The following MRTFB variants were observed in gnomAD, a reference collection of about 807,000 sequenced individuals.
MRTFB encodes myocardin-related transcription factor B.
In MRTFB, 29 loss-of-function variants were observed where a neutral mutation model predicts 104.2. That is an observed-to-expected ratio of 0.28 (90% CI 0.21 to 0.38). The LOEUF (loss-of-function observed/expected upper bound fraction) is 0.38, where lower values mean the gene tolerates loss of function less well. Among genes scored for constraint, MRTFB ranks in the 10% least tolerant of loss-of-function variants. The pLI, the probability that MRTFB is intolerant of heterozygous loss-of-function variation, is 1.00. For synonymous variants in MRTFB, 535 were observed against 519.5 expected (o/e 1.03, Z -0.41); for missense variants, 1,270 against 1,341.6 (o/e 0.95, Z 0.83).
chr16:14,111,231 C>A (rs2036251193), intron 2 of MRTFB, among the ~76,000 whole-genome samples: 1 of 152,042 alleles, frequency 6.6e-6, no homozygotes, highest in Admixed American at 6.5e-5. Context: ...GTGGGGTTAA[C>A]CCTGGAAAGA....
At chr16:14,146,419 C>T (rs2038319070) in intron 3 of MRTFB, among the ~76,000 whole-genome samples, 1 of 152,206 alleles carries the variant, frequency 6.6e-6, no homozygotes, top group Non-Finnish European at 1.5e-5. Flanking sequence ...ATCTTGAAAT[C>T]TTCTAAGATT....
upstream of MRTFB, among the ~76,000 whole-genome samples, chr16:14,066,569 G>C (rs145996581): frequency 2.0e-5 from 3 of 151,960 alleles, no homozygotes; most frequent in Non-Finnish European, 4.4e-5. Context: ...CACCGTGCCC[G>C]GCCTATTTTT....
the MRTFB span, among the ~76,000 whole-genome samples, chr16:14,049,372 A>T: frequency 6.6e-6 from 1 of 152,256 alleles, no homozygotes; most frequent in Non-Finnish European, 1.5e-5. Flanking sequence ...AAACATAAAT[A>T]CTCAGAAAAC....
In MRTFB at chr16:14,262,914, T is replaced by TA. The variant is rs1031259804; in HGVS notation, c.*1473dup. Reference sequence around the variant, plus strand: ...TTGGTTCCCCTGGGTCACAAAATGGTAAATGTTCCATACTGACATGCCGGA... The same window carrying TA: ...TTGGTTCCCCTGGGTCACAAAATGGTAAAATGTTCCATACTGACATGCCGGA... On this transcript the variant is annotated 3_prime_UTR_variant, in exon 17 of 17. Coordinates refer to ENST00000571589, the MANE Select transcript of MRTFB (RefSeq NM_001308142.2). 3 of 152,480 alleles carry TA rather than the reference T, an allele frequency of 2.0e-5. No homozygotes were observed. Among genetic ancestry groups the TA allele is most frequent in the African/African-American group, 7.2e-5 (3 of 41,460 alleles). The allele number at this position is 152,480 out of a possible 1,614,324, so 9.4% of individuals were successfully genotyped here. A position where few individuals can be genotyped will look rare whatever the true frequency, so the allele number is the denominator to read the frequency against.
At chr16:14,157,970 A>G (rs1414917540) in intron 3 of MRTFB, among the ~76,000 whole-genome samples, 1 of 152,228 alleles carries the variant, frequency 6.6e-6, no homozygotes, top group Non-Finnish European at 1.5e-5. Context: ...GAATTAATGC[A>G]TTAATTGGTT....
intron 2 of MRTFB, among the ~76,000 whole-genome samples, chr16:14,109,210 C>T (rs1003079378): frequency 6.6e-6 from 1 of 152,080 alleles, no homozygotes; most frequent in Non-Finnish European, 1.5e-5. Context: ...GTAGTTCCTT[C>T]CTTTCTAAAG....
At chr16:14,209,400 G>A (rs1326816328) in intron 3 of MRTFB, among the ~76,000 whole-genome samples, 1 of 152,072 alleles carries the variant, frequency 6.6e-6, no homozygotes, top group Non-Finnish European at 1.5e-5. Flanking sequence ...AAATCACAGT[G>A]GAAACTGGTT....
rs370443344 is a variant in MRTFB at position 14,240,610 on chromosome 16, A to G, written c.1079+126A>G. The G allele has an allele frequency of 5.5e-6, 8 of 1,465,186 alleles. No individual in the cohort carries two copies. The African/African-American group carries it at 9.8e-5, about 18-fold the overall frequency. 90.8% of individuals were successfully genotyped at this position (1,465,186 alleles called of 1,614,324 possible). On this transcript the variant is annotated intron_variant, in intron 10 of 16. Transcript: ENST00000571589. ...CAGTAATGATTTTCATTTCTTTGTT[A>G]TCAGAGCTTATCACACAGTGTCTGA...
chr16:14,109,847 A>C (rs1275799177), intron 2 of MRTFB, among the ~76,000 whole-genome samples: 1 of 152,264 alleles, frequency 6.6e-6, no homozygotes, highest in African/African-American at 2.4e-5. Flanking sequence ...TCAGTAGAGT[A>C]CTATGAGCTG....
chr16:14,065,754 AT>A, the MRTFB span, among the ~76,000 whole-genome samples: 15 of 151,972 alleles, frequency 9.9e-5, no homozygotes, highest in East Asian at 1.9e-4. Context: ...CTAAAAAAAA[AT>A]TTTTTTTAAT....
upstream of MRTFB, among the ~76,000 whole-genome samples, chr16:14,070,749 A>G (rs2033633460): frequency 6.6e-6 from 1 of 152,262 alleles, no homozygotes. Flanking sequence ...AAAGAGGGAC[A>G]GGGCCTGGGG....
At chr16:14,231,088 A>T (rs1025777704) in intron 8 of MRTFB, among the ~76,000 whole-genome samples, 1 of 145,280 alleles carries the variant, frequency 6.9e-6, no homozygotes, top group African/African-American at 2.5e-5. Flanking sequence ...AACAATGAGA[A>T]CACATGGACA....
chr16:14,075,366 G>A (rs1299800874), intron 1 of MRTFB, among the ~76,000 whole-genome samples: 1 of 152,212 alleles, frequency 6.6e-6, no homozygotes, highest in Non-Finnish European at 1.5e-5. Context: ...GCATCCTGGA[G>A]CTTGTTTGAA....
the MRTFB span, among the ~76,000 whole-genome samples, chr16:14,000,986 G>A: frequency 6.6e-6 from 1 of 152,264 alleles, no homozygotes; most frequent in Non-Finnish European, 1.5e-5. Flanking sequence ...GCCTGTGCCT[G>A]ATACATGATC....
chr16:14,136,633 TTAGCCCAG>T lies in MRTFB; in HGVS notation c.-63-3900_-63-3893del, dbSNP rs900398182. On this transcript the variant is annotated intron_variant, in intron 2 of 16. Coordinates refer to ENST00000571589, the MANE Select transcript of MRTFB (RefSeq NM_001308142.2). ...TATTAGCACTGATTTGGGGACTACC[TTAGCCCAG>T]TAGCCCAGTATATTTTAAAATATAA... Among the ~76,000 whole-genome samples the T allele has an allele frequency of 7.9e-5, 12 of 152,194 alleles. No homozygotes were observed. The South Asian group carries it at 8.3e-4, about 11-fold the overall frequency.
chr16:14,089,141 T>C (rs1020526574), intron 2 of MRTFB, among the ~76,000 whole-genome samples: 17 of 152,238 alleles, frequency 1.1e-4, no homozygotes, highest in African/African-American at 4.1e-4. Context: ...TTTTAAATAA[T>C]AACAGCTTTA....
At chr16:14,255,352 A>G (rs1183097463) in intron 15 of MRTFB, among the ~76,000 whole-genome samples, 2 of 152,276 alleles carry the variant, frequency 1.3e-5, no homozygotes, top group Non-Finnish European at 2.9e-5. Context: ...TTGACAAGAC[A>G]GAGAAAATCT....
chr16:14,014,016 G>A, the MRTFB span, among the ~76,000 whole-genome samples: 2 of 151,888 alleles, frequency 1.3e-5, no homozygotes, highest in Admixed American at 6.6e-5. Context: ...TTTATTTTTC[G>A]CTTAGTCGTT....
intron 15 of MRTFB, among the ~76,000 whole-genome samples, chr16:14,256,258 C>G (rs2043490213): frequency 6.9e-6 from 1 of 145,116 alleles, no homozygotes. Context: ...AATAGTAAAC[C>G]CAAACTTAAC....
Sources: allele counts gnomAD v4.1 joint callset (sites outside exome capture counted in the v4.1 genomes callset), GRCh38; gene constraint gnomAD v4.1.1; transcripts MANE v1.5; gene names NCBI Gene and HGNC (gene_info 2026-07-23, HGNC 2026-07-21).